MATN2: variants seen among roughly 807,000 people sequenced by gnomAD.
The protein encoded by MATN2 is matrilin 2.
A neutral mutation model predicts 103.2 loss-of-function variants in MATN2; 69 were observed. The ratio of observed to expected loss-of-function variants is 0.67; its 90% CI spans 0.55 to 0.82. The LOEUF (loss-of-function observed/expected upper bound fraction) is 0.82, where lower values mean the gene tolerates loss of function less well. Ranked by LOEUF, MATN2 falls within the 40% of genes least tolerant of loss-of-function variation. The pLI, the probability that MATN2 is intolerant of heterozygous loss-of-function variation, is 0.00. For missense variants in MATN2, 1,023 were observed against 1,211.5 expected (o/e 0.84, Z 2.31); for synonymous variants, 429 against 450.2 (o/e 0.95, Z 0.60).
intron 18 of MATN2, among the ~76,000 whole-genome samples, chr8:98,034,982 G>C (rs1396515599): frequency 6.6e-6 from 1 of 152,050 alleles, no homozygotes; most frequent in Non-Finnish European, 1.5e-5. Context: ...AGCACTTTGG[G>C]AGGCCGAGGT....
At chr8:97,967,670 C>T (rs1218915461) in intron 5 of MATN2, among the ~76,000 whole-genome samples, 1 of 152,212 alleles carries the variant, frequency 6.6e-6, no homozygotes, top group African/African-American at 2.4e-5. Context: ...CCCCCAAGGC[C>T]TTGGTTGGCT....
chr8:97,921,764 C>T (rs898913308), intron 2 of MATN2, among the ~76,000 whole-genome samples: 1 of 152,148 alleles, frequency 6.6e-6, no homozygotes, highest in Admixed American at 6.5e-5. Flanking sequence ...CTGTGTCGCA[C>T]GGTCGTCTTT....
chr8:97,936,746 G>A (rs961769494), intron 3 of MATN2, among the ~76,000 whole-genome samples: 2 of 152,154 alleles, frequency 1.3e-5, no homozygotes, highest in Non-Finnish European at 2.9e-5. Flanking sequence ...CCAGCAGGCC[G>A]GTGGAGGAGG....
At chr8:97,969,763 C>T (rs1006653231) in intron 5 of MATN2, among the ~76,000 whole-genome samples, 1 of 152,184 alleles carries the variant, frequency 6.6e-6, no homozygotes, top group Non-Finnish European at 1.5e-5. Context: ...GCAAACATTT[C>T]AGAACTCTGC....
intron 2 of MATN2, among the ~76,000 whole-genome samples, chr8:97,914,813 G>A (rs1237597762): frequency 6.6e-6 from 1 of 152,140 alleles, no homozygotes; most frequent in East Asian, 1.9e-4. Context: ...TGCATACGCT[G>A]CCCTTTTACC....
At chr8:97,972,540 A>G (rs576327923) in intron 5 of MATN2, among the ~76,000 whole-genome samples, 1 of 152,316 alleles carries the variant, frequency 6.6e-6, no homozygotes, top group South Asian at 2.1e-4. Context: ...CTTTGTTATC[A>G]GCAAACTTTA....
In MATN2 at chr8:97,982,041, G is replaced by A. The variant is rs1436513302; in HGVS notation, c.1081+3033G>A. ...AGAAGTGGGCCGCCCCAATGCGTGT[G>A]CAGGGAAGAGTGCTGGGAGACTGGA... On this transcript the variant is annotated intron_variant, in intron 6 of 18. Transcript: ENST00000254898. The surrounding 1 kb of genome is among the most constrained non-coding windows in gnomAD (Gnocchi z 4.3). Among the ~76,000 whole-genome samples, 1 of 152,218 alleles carries A rather than the reference G, an allele frequency of 6.6e-6. No homozygotes were observed.
At chr8:98,023,327 GATA>G (rs1351715658) in intron 13 of MATN2, among the ~76,000 whole-genome samples, 1 of 151,912 alleles carries the variant, frequency 6.6e-6, no homozygotes, top group East Asian at 1.9e-4. Context: ...ATAAAATAAG[GATA>G]ATAACTCACA....
At chr8:97,928,242 T>TTC (rs1198354112) in intron 2 of MATN2, among the ~76,000 whole-genome samples, 23 of 76,068 alleles carry the variant, frequency 3.0e-4, no homozygotes, top group African/African-American at 1.0e-3. Context: ...TTTTTTTTTT[T>TTC]CTGAGGTGGA....
rs759719814 is a variant in MATN2, at chr8:98,035,698, C to T, written c.2857C>T (p.Leu953=). The change falls in exon 19 of 19, where the codon CTG becomes TTG. Residue 953 remains leucine (L), a synonymous_variant. Transcript: ENST00000254898. ...TQRMEALENR[L]RYR is the part of the protein sequence containing the mutation. ...GAGAATGGAAGCCCTGGAAAATCGCCTGAGATACAGATGAAGATTAGAAAT... is the reference window on the plus strand; with the variant it reads ...GAGAATGGAAGCCCTGGAAAATCGCTTGAGATACAGATGAAGATTAGAAAT... 3.1e-6 allele frequency: 5 copies of T among 1,597,622 alleles called. No individual in the cohort carries two copies. The Admixed American group carries it at 5.1e-5, about 16-fold the overall frequency.
intron 4 of MATN2, among the ~76,000 whole-genome samples, chr8:97,952,989 CAT>C (rs1322412700): frequency 1.5e-5 from 2 of 134,274 alleles, no homozygotes; most frequent in East Asian, 4.8e-4. Flanking sequence ...GTGGCGCAAT[CAT>C]AGCTTACTGC....
intron 12 of MATN2, among the ~76,000 whole-genome samples, chr8:98,019,512 G>C (rs1212434128): frequency 6.6e-6 from 1 of 152,214 alleles, no homozygotes; most frequent in Non-Finnish European, 1.5e-5. Context: ...CTGATTAAAT[G>C]TTAATTGCAT....
Position 97,888,216 on chromosome 8 carries a change from G to A in MATN2, c.116G>A (p.Arg39Gln), listed in dbSNP as rs980171732. ...TCCATCTCTAGGGGCAGACACGCTC[G>A]GACCCACCCGCAGACGGCCCTTCTG... ...GRSISRGRHA[R>Q]THPQTALLES... Residue 39 changes from arginine (R) to glutamine (Q), a missense_variant, in exon 2 of 19, where the codon CGG (arginine) becomes CAG (glutamine). Transcript: ENST00000254898. The A allele has an allele frequency of 3.2e-6, 5 of 1,580,088 alleles. No homozygotes were observed. The highest frequency in any genetic ancestry group is 1.2e-5 in the South Asian group (1 of 86,742).
chr8:97,941,844 C>A lies in MATN2; in HGVS notation c.780C>A (p.Tyr260Ter). The change falls in exon 4 of 19, where the codon TAC becomes TAA. Residue 260 changes from tyrosine (Y) to a stop codon, truncating the protein, a stop_gained. Transcript: ENST00000254898. LOFTEE classifies it high-confidence loss of function. ...TCTGCATCAACATCCCTGGCTCATA[C>A]GTCTGCAGGTGCAAACAAGGCTACA... ...AHFCINIPGS[Y>*]VCRCKQGYIL... 6.2e-7 allele frequency: 1 copy of A among 1,613,272 alleles called. No individual in the cohort carries two copies. The highest frequency in any genetic ancestry group is 8.5e-7 in the Non-Finnish European group (1 of 1,179,450).
At chr8:97,901,590 TCA>T (rs1360241412) in intron 2 of MATN2, among the ~76,000 whole-genome samples, 4 of 152,186 alleles carry the variant, frequency 2.6e-5, no homozygotes, top group African/African-American at 9.7e-5. Flanking sequence ...GCTTGGGTAA[TCA>T]TTGATTCATC....
intron 6 of MATN2, among the ~76,000 whole-genome samples, chr8:97,988,744 G>A (rs939383920): frequency 6.6e-6 from 1 of 151,604 alleles, no homozygotes; most frequent in African/African-American, 2.4e-5. Flanking sequence ...GGCTTAACTG[G>A]TGAATTCTAC....
intron 4 of MATN2, among the ~76,000 whole-genome samples, chr8:97,953,983 AT>A (rs1450764773): frequency 5.9e-5 from 9 of 152,148 alleles, no homozygotes; most frequent in East Asian, 1.9e-4. Flanking sequence ...AAATAAAAAA[AT>A]AAAATAAAAA....
In MATN2 at chr8:97,931,603, C is replaced by T; in HGVS notation, c.712+81C>T. 7.4e-7 allele frequency: 1 copy of T among 1,348,716 alleles called. No individual in the cohort carries two copies. Among genetic ancestry groups the T allele is most frequent in the Non-Finnish European group, 1.0e-6 (1 of 995,086 alleles). 83.5% of individuals were successfully genotyped at this position (1,348,716 alleles called of 1,614,324 possible). On this transcript the variant is annotated intron_variant, in intron 3 of 18. Coordinates refer to ENST00000254898, the MANE Select transcript of MATN2 (RefSeq NM_002380.5). This position sits in a 1 kb window ranked among gnomAD's most constrained non-coding sequence, Gnocchi z 4.1. ...ATCTTCAAGTGTTCATTCTGTGTTA[C>T]TATGTCCCAGGTACTGTGCTGGCAA...
At chr8:97,891,858 T>G (rs1350649371) in intron 2 of MATN2, among the ~76,000 whole-genome samples, 4 of 152,068 alleles carry the variant, frequency 2.6e-5, no homozygotes, top group Non-Finnish European at 2.9e-5. Context: ...TTCCAGTACT[T>G]TGGGAGGCTG....
Sources: allele counts gnomAD v4.1 joint callset (sites outside exome capture counted in the v4.1 genomes callset), GRCh38; gene constraint gnomAD v4.1.1; non-coding constraint Gnocchi (gnomAD v3.1); transcripts MANE v1.5; gene names NCBI Gene and HGNC (gene_info 2026-07-23, HGNC 2026-07-21).